The following NXPH1 variants were observed in gnomAD, a reference collection of about 807,000 sequenced individuals.
NXPH1 encodes the protein neurexophilin-1.
NXPH1 carries 5 observed loss-of-function variants against 23.7 expected under a neutral mutation model. That is an observed-to-expected ratio of 0.21 (90% CI 0.11 to 0.44). The LOEUF (loss-of-function observed/expected upper bound fraction) is 0.44, where lower values mean the gene tolerates loss of function less well. NXPH1 is among the 20% of genes least tolerant of loss of function. The pLI, the probability that NXPH1 is intolerant of heterozygous loss-of-function variation, is 0.99. For synonymous variants in NXPH1, 144 were observed against 122.2 expected (o/e 1.18, Z -1.18); for missense variants, 324 against 321.6 (o/e 1.01, Z -0.06).
At chr7:8,461,790 ACTGCAGTCCGCAGTCCGGCCTGGG>A (rs1440106881) in intron 2 of NXPH1, among the ~76,000 whole-genome samples, 1 of 142,912 alleles carries the variant, frequency 7.0e-6, no homozygotes, top group African/African-American at 2.7e-5. Context: ...AGATCGCGCC[ACTGCAGTCCGCAGTCCGGCCTGGG>A]CGACAGAGCG....
intron 2 of NXPH1, among the ~76,000 whole-genome samples, chr7:8,654,967 G>A (rs952586300): frequency 6.6e-6 from 1 of 152,152 alleles, no homozygotes; most frequent in African/African-American, 2.4e-5. Context: ...AATCAAGGGA[G>A]AGGAAATTAA....
intron 2 of NXPH1, among the ~76,000 whole-genome samples, chr7:8,489,272 A>G (rs764743144): frequency 6.6e-6 from 1 of 152,086 alleles, no homozygotes; most frequent in African/African-American, 2.4e-5. Flanking sequence ...GCCTTCTCAT[A>G]TCGAAAAGGA....
chr7:8,658,881 T>C (rs1431766543), intron 2 of NXPH1, among the ~76,000 whole-genome samples: 1 of 152,128 alleles, frequency 6.6e-6, no homozygotes, highest in Non-Finnish European at 1.5e-5. Flanking sequence ...TTTTGAATGG[T>C]CTAAAAGAAA....
At chr7:8,590,138 A>G (rs1819062119) in intron 2 of NXPH1, among the ~76,000 whole-genome samples, 1 of 152,060 alleles carries the variant, frequency 6.6e-6, no homozygotes, top group African/African-American at 2.4e-5. Flanking sequence ...GAGGTTGACT[A>G]TGTTGGGAAT....
At chr7:8,528,198 C>T (rs1330181219) in intron 2 of NXPH1, among the ~76,000 whole-genome samples, 4 of 152,222 alleles carry the variant, frequency 2.6e-5, no homozygotes, top group Non-Finnish European at 4.4e-5. Context: ...CAAAGCCCCC[C>T]TCCTCCCCTG....
intron 2 of NXPH1, among the ~76,000 whole-genome samples, chr7:8,498,771 T>C (rs182701897): frequency 3.2e-4 from 49 of 152,180 alleles, no homozygotes; most frequent in South Asian, 8.3e-4. Flanking sequence ...ATATCTAATG[T>C]GTCCTTGTTC....
Position 8,667,113 on chromosome 7 carries a change from A to C in NXPH1, c.55-83895A>C, listed in dbSNP as rs983681187. Among the ~76,000 whole-genome samples the C allele has an allele frequency of 8.5e-5, 13 of 152,212 alleles. No homozygotes were observed. The South Asian group carries it at 1.0e-3, about 12-fold the overall frequency. Reference sequence around the variant, plus strand: ...CCACATATTCTAACATTTTGTTTTTAATGCCACAGTTTAATTTTTTAATTA... The same window carrying C: ...CCACATATTCTAACATTTTGTTTTTCATGCCACAGTTTAATTTTTTAATTA... On this transcript the variant is annotated intron_variant, in intron 2 of 2. Transcript: ENST00000405863.
At chr7:8,680,654 T>C (rs1821034993) in intron 2 of NXPH1, among the ~76,000 whole-genome samples, 1 of 152,234 alleles carries the variant, frequency 6.6e-6, no homozygotes, top group Non-Finnish European at 1.5e-5. Flanking sequence ...AAGACACTTG[T>C]GCTTAGTGAC....
intron 2 of NXPH1, among the ~76,000 whole-genome samples, chr7:8,665,395 T>A (rs1438127583): frequency 6.6e-6 from 1 of 152,004 alleles, no homozygotes; most frequent in Non-Finnish European, 1.5e-5. Context: ...TTTTATATGC[T>A]ATACCATGCT....
At chr7:8,685,307 A>G (rs1821130767) in intron 2 of NXPH1, among the ~76,000 whole-genome samples, 1 of 151,750 alleles carries the variant, frequency 6.6e-6, no homozygotes, top group South Asian at 2.1e-4. Context: ...GCTTATTAAA[A>G]TGTATCCTTT....
At chr7:8,462,202 C>A (rs985858565) in intron 2 of NXPH1, among the ~76,000 whole-genome samples, 45 of 152,270 alleles carry the variant, frequency 3.0e-4, no homozygotes, top group African/African-American at 1.1e-3. Flanking sequence ...GCATGCGCCA[C>A]CATGCCCAGC....
intron 2 of NXPH1, among the ~76,000 whole-genome samples, chr7:8,613,859 C>T (rs1319838425): frequency 2.0e-5 from 3 of 151,596 alleles, no homozygotes; most frequent in Non-Finnish European, 4.4e-5. Flanking sequence ...CTATGAAAAT[C>T]ATACACACAC....
chr7:8,570,964 G>A (rs1818632180), intron 2 of NXPH1, among the ~76,000 whole-genome samples: 1 of 151,750 alleles, frequency 6.6e-6, no homozygotes, highest in Non-Finnish European at 1.5e-5. Flanking sequence ...TACTCAGAAG[G>A]TGGTTTCTGT....
intron 2 of NXPH1, among the ~76,000 whole-genome samples, chr7:8,609,290 T>G (rs1583189981): frequency 6.6e-6 from 1 of 152,202 alleles, no homozygotes; most frequent in African/African-American, 2.4e-5. Context: ...TTCTTTAACC[T>G]TCTATTCTAA....
chr7:8,738,555 G>A (rs1190789471), intron 2 of NXPH1, among the ~76,000 whole-genome samples: 2 of 152,154 alleles, frequency 1.3e-5, no homozygotes, highest in Non-Finnish European at 2.9e-5. Flanking sequence ...TGAGGTGTCT[G>A]TCGACCCCTG....
chr7:8,584,703 T>C (rs1818948172), intron 2 of NXPH1, among the ~76,000 whole-genome samples: 2 of 152,238 alleles, frequency 1.3e-5, no homozygotes, highest in African/African-American at 4.8e-5. Context: ...AAGTGGAATC[T>C]GGGGGATCGG....
chr7:8,515,268 C>G (rs1476745572), intron 2 of NXPH1, among the ~76,000 whole-genome samples: 2 of 152,052 alleles, frequency 1.3e-5, no homozygotes, highest in Non-Finnish European at 2.9e-5. Context: ...AATTAGAGAA[C>G]AGTTCTGCAG....
intron 2 of NXPH1, among the ~76,000 whole-genome samples, chr7:8,443,218 C>G (rs1168065360): frequency 6.6e-6 from 1 of 152,256 alleles, no homozygotes; most frequent in African/African-American, 2.4e-5. Flanking sequence ...CTTGCTTGCA[C>G]CCCTCTCCAT....
intron 2 of NXPH1, among the ~76,000 whole-genome samples, chr7:8,523,903 C>G (rs1817817563): frequency 6.6e-6 from 1 of 152,108 alleles, no homozygotes; most frequent in South Asian, 2.1e-4. Context: ...TCCAGAAAAT[C>G]AAGCGTGAGA....
Sources: gnomAD v4.1 joint callset for allele counts (sites outside exome capture counted in the v4.1 genomes callset) on GRCh38, gnomAD v4.1.1 for gene constraint, MANE v1.5 for transcripts, NCBI Gene and HGNC (gene_info 2026-07-23, HGNC 2026-07-21) for gene names.